ADK: variants seen among roughly 807,000 people sequenced by gnomAD.
ADK encodes adenosine kinase, also known as N6,N6-dimethyladenosine kinase.
In ADK, 24 loss-of-function variants were observed where a neutral mutation model predicts 44.7. The observed-to-expected ratio is 0.54, with a 90% CI of 0.39 to 0.76. The LOEUF is 0.76. Ranked by LOEUF, ADK falls within the 30% of genes least tolerant of loss-of-function variation. The pLI, the probability that ADK is intolerant of heterozygous loss-of-function variation, is 0.00. For missense variants in ADK, 321 were observed against 425.1 expected (o/e 0.76, Z 2.15); for synonymous variants, 128 against 142.6 (o/e 0.90, Z 0.73).
intron 9 of ADK, among the ~76,000 whole-genome samples, chr10:74,662,950 C>T (rs1854798011): frequency 1.3e-5 from 2 of 151,980 alleles, no homozygotes; most frequent in African/African-American, 2.4e-5. Context: ...CAAATTAGGC[C>T]GGGCATGGTA....
intron 6 of ADK, among the ~76,000 whole-genome samples, chr10:74,400,459 T>C (rs1411841058): frequency 1.3e-5 from 2 of 152,226 alleles, no homozygotes; most frequent in African/African-American, 4.8e-5. Context: ...TTCGTATTTA[T>C]TGAAATCTGT....
rs543817414 is a variant in ADK, at chr10:74,151,262, G to C, written c.-17G>C. 3 of 1,549,536 alleles carry C rather than the reference G, an allele frequency of 1.9e-6. No individual in the cohort carries two copies. Among genetic ancestry groups the C allele is most frequent in the African/African-American group, 1.4e-5 (1 of 72,972 alleles). On this transcript the variant is annotated 5_prime_UTR_variant, in exon 1 of 11. Transcript: ENST00000539909. Reference sequence around the variant, plus strand: ...CAGAGGTGGGCTGTAGAGCCAAAGTGGGGTGGGAGCGCGAAGATGGCAGCT... The same window carrying C: ...CAGAGGTGGGCTGTAGAGCCAAAGTCGGGTGGGAGCGCGAAGATGGCAGCT...
At chr10:74,688,359 A>G (rs1855866213) in intron 10 of ADK, among the ~76,000 whole-genome samples, 1 of 152,198 alleles carries the variant, frequency 6.6e-6, no homozygotes, top group African/African-American at 2.4e-5. Context: ...AAGAACAGGA[A>G]CTGTAAGTGT....
At chr10:74,156,649 A>G (rs144129967) in intron 1 of ADK, among the ~76,000 whole-genome samples, 55 of 152,334 alleles carry the variant, frequency 3.6e-4, no homozygotes, top group African/African-American at 1.3e-3. Flanking sequence ...AATTTTAAAG[A>G]GCATTCTGGT....
intron 4 of ADK, among the ~76,000 whole-genome samples, chr10:74,340,779 A>G (rs946074977): frequency 6.6e-6 from 1 of 152,188 alleles, no homozygotes; most frequent in African/African-American, 2.4e-5. Context: ...AATTGTCTAT[A>G]TAGCATGCTG....
intron 10 of ADK, among the ~76,000 whole-genome samples, chr10:74,678,194 G>A (rs1359550209): frequency 6.6e-6 from 1 of 151,202 alleles, no homozygotes; most frequent in East Asian, 1.9e-4. Context: ...TAGTAGTTCA[G>A]GTTCATGCAA....
At chr10:74,532,491 A>T (rs1367792097) in intron 7 of ADK, among the ~76,000 whole-genome samples, 1 of 150,706 alleles carries the variant, frequency 6.6e-6, no homozygotes, top group Non-Finnish European at 1.5e-5. Flanking sequence ...AAAAAAAAAA[A>T]CCCTTGGAAT....
At chr10:74,341,513 G>A (rs11814352) in intron 4 of ADK, among the ~76,000 whole-genome samples, 1 of 148,062 alleles carries the variant, frequency 6.8e-6, no homozygotes, top group South Asian at 2.1e-4. Flanking sequence ...GACAACAAGA[G>A]CGAGACTCCG....
intron 3 of ADK, among the ~76,000 whole-genome samples, chr10:74,238,902 C>G (rs1263923500): frequency 8.0e-6 from 1 of 124,392 alleles, no homozygotes; most frequent in Non-Finnish European, 1.6e-5. Context: ...TCGCTCTGTT[C>G]CAGGCTGGAG....
chr10:74,272,436 G>A (rs555133567), intron 3 of ADK, among the ~76,000 whole-genome samples: 2 of 152,004 alleles, frequency 1.3e-5, no homozygotes, highest in African/African-American at 2.4e-5. Context: ...CTACCATGCC[G>A]GGTTAACTTT....
intron 6 of ADK, among the ~76,000 whole-genome samples, chr10:74,513,861 G>A (rs1262947412): frequency 6.6e-6 from 1 of 152,110 alleles, no homozygotes; most frequent in Admixed American, 6.5e-5. Flanking sequence ...TAGTGAAAAG[G>A]TTTGATTCCT....
chr10:74,529,091 A>G (rs907285609), intron 7 of ADK, among the ~76,000 whole-genome samples: 5 of 152,240 alleles, frequency 3.3e-5, no homozygotes, highest in African/African-American at 1.2e-4. Context: ...TATTCACAAT[A>G]GCTAAGATAG....
At chr10:74,430,679 C>T (rs1844952899) in intron 6 of ADK, among the ~76,000 whole-genome samples, 2 of 151,818 alleles carry the variant, frequency 1.3e-5, no homozygotes, top group South Asian at 4.2e-4. Flanking sequence ...TACATTCTAC[C>T]ACCTCTCAAT....
intron 4 of ADK, among the ~76,000 whole-genome samples, chr10:74,329,003 A>G (rs1318057517): frequency 6.6e-6 from 1 of 151,384 alleles, no homozygotes; most frequent in African/African-American, 2.4e-5. Flanking sequence ...ACATGTATAC[A>G]TATGTAACTA....
intron 6 of ADK, among the ~76,000 whole-genome samples, chr10:74,416,809 CAAAT>C (rs1457003279): frequency 3.3e-5 from 5 of 151,776 alleles, no homozygotes; most frequent in African/African-American, 1.2e-4. Flanking sequence ...TAGTAAAAAT[CAAAT>C]AAAATATCAA....
At chr10:74,611,344 G>A (rs981786594) in intron 9 of ADK, among the ~76,000 whole-genome samples, 9 of 152,030 alleles carry the variant, frequency 5.9e-5, no homozygotes, top group African/African-American at 1.7e-4. Context: ...CTAAATTGTA[G>A]ACTTTTCTGA....
At chr10:74,703,777 C>G (rs530939713) in intron 10 of ADK, among the ~76,000 whole-genome samples, 1 of 152,246 alleles carries the variant, frequency 6.6e-6, no homozygotes, top group East Asian at 1.9e-4. Flanking sequence ...TATCCTTATT[C>G]TCAGAAAAGA....
chr10:74,162,236 G>C (rs932588037), intron 1 of ADK, among the ~76,000 whole-genome samples: 8 of 151,968 alleles, frequency 5.3e-5, no homozygotes, highest in Admixed American at 4.6e-4. Context: ...GGCCAGGCTG[G>C]TCTCGAACTC....
At chr10:74,271,043 A>T (rs1439737423) in intron 3 of ADK, among the ~76,000 whole-genome samples, 1 of 152,206 alleles carries the variant, frequency 6.6e-6, no homozygotes, top group East Asian at 1.9e-4. Context: ...GCGGTAATGT[A>T]GTCTTCTATT....
Sources: gnomAD v4.1 joint callset for allele counts (sites outside exome capture counted in the v4.1 genomes callset) on GRCh38, gnomAD v4.1.1 for gene constraint, MANE v1.5 for transcripts, NCBI Gene and HGNC (gene_info 2026-07-23, HGNC 2026-07-21) for gene names.